ROBO1: variants seen among roughly 807,000 people sequenced by gnomAD.
ROBO1 encodes roundabout homolog 1.
ROBO1 carries 149 observed loss-of-function variants against 195.9 expected under a neutral mutation model. The observed-to-expected ratio is 0.76, with a 90% CI of 0.67 to 0.87. The LOEUF (loss-of-function observed/expected upper bound fraction) is 0.87. Among genes scored for constraint, ROBO1 ranks in the 40% least tolerant of loss-of-function variants. The pLI, the probability that ROBO1 is intolerant of heterozygous loss-of-function variation, is 0.00. For synonymous variants in ROBO1, 816 were observed against 733.2 expected, an observed-to-expected ratio of 1.11 and a Z score of -1.82; for missense variants, 1,933 against 2,068.3, an observed-to-expected ratio of 0.93 and a Z score of 1.27.
In ROBO1 at chr3:78,631,316, A is replaced by G. The variant is rs1489523865; in HGVS notation, c.3482-11T>C. ...TGTGCCCCTGACTCCCTAGAAAGGA[A>G]ATAAAATAGAAGCCATTGATCTCTG... On this transcript the variant is annotated splice_polypyrimidine_tract_variant and intron_variant, in intron 24 of 30. Transcript: ENST00000464233. 2 of 1,611,750 alleles carry G rather than the reference A, an allele frequency of 1.2e-6. No homozygotes were observed. The highest frequency in any genetic ancestry group is 3.3e-5 in the Admixed American group (2 of 59,854).
intron 2 of ROBO1, among the ~76,000 whole-genome samples, chr3:79,312,446 C>T (rs1259910206): frequency 6.6e-6 from 1 of 152,078 alleles, no homozygotes; most frequent in Non-Finnish European, 1.5e-5. Flanking sequence ...AATTCCAGAG[C>T]CCAGAGCAAC....
At chr3:79,352,453 C>T (rs76262167) in intron 2 of ROBO1, among the ~76,000 whole-genome samples, 2 of 152,288 alleles carry the variant, frequency 1.3e-5, no homozygotes, top group Non-Finnish European at 2.9e-5. Flanking sequence ...ATGATATTGG[C>T]TTAACACCGT....
rs577115422 is a variant in ROBO1 at position 79,740,027 on chromosome 3, T to C, written c.-51+27725A>G. ...CTCATATGATTTTTATTTTTCTTTA[T>C]TTTATGACATAGCATTTCTGAAGTA... On this transcript the variant is annotated intron_variant, in intron 1 of 30. Coordinates refer to ENST00000464233, the MANE Select transcript of ROBO1 (RefSeq NM_002941.4). 2.6e-5 allele frequency among the ~76,000 whole-genome samples: 4 copies of C among 151,888 alleles called. No homozygotes were observed. The South Asian group carries it at 8.3e-4, about 31-fold the overall frequency.
intron 5 of ROBO1, among the ~76,000 whole-genome samples, chr3:78,730,468 G>C (rs1329969436): frequency 1.3e-5 from 1 of 78,880 alleles, no homozygotes; most frequent in Non-Finnish European, 3.8e-5. Flanking sequence ...AATATAAACA[G>C]CATTTAATAT....
chr3:78,945,676 T>A (rs973844804), intron 3 of ROBO1, among the ~76,000 whole-genome samples: 1 of 152,154 alleles, frequency 6.6e-6, no homozygotes, highest in African/African-American at 2.4e-5. Context: ...GGAGAATGAC[T>A]TTGACAAATT....
chr3:78,807,574 T>C (rs1049281978), intron 4 of ROBO1, among the ~76,000 whole-genome samples: 3 of 152,202 alleles, frequency 2.0e-5, no homozygotes, highest in African/African-American at 7.2e-5. Context: ...AAAGTAACAG[T>C]ATTACAAGTA....
intron 3 of ROBO1, among the ~76,000 whole-genome samples, chr3:79,049,742 T>C (rs1271026143): frequency 6.6e-6 from 1 of 152,130 alleles, no homozygotes; most frequent in African/African-American, 2.4e-5. Context: ...GTGGCCAATA[T>C]TCAACATTCT....
chr3:78,693,908 A>G (rs1214875004), intron 8 of ROBO1, among the ~76,000 whole-genome samples: 1 of 152,196 alleles, frequency 6.6e-6, no homozygotes, highest in Non-Finnish European at 1.5e-5. Context: ...AATACAGATT[A>G]TGATTCTACA....
chr3:79,563,737 CA>C (rs1943000713), intron 2 of ROBO1, among the ~76,000 whole-genome samples: 1 of 151,856 alleles, frequency 6.6e-6, no homozygotes, highest in Non-Finnish European at 1.5e-5. Flanking sequence ...TAAATTTAGA[CA>C]ATTTTACATA....
At chr3:79,392,484 T>C (rs971644310) in intron 2 of ROBO1, among the ~76,000 whole-genome samples, 21 of 152,298 alleles carry the variant, frequency 1.4e-4, no homozygotes, top group African/African-American at 4.8e-4. Flanking sequence ...AGGAACTGCA[T>C]ATAGGCTTTA....
chr3:79,764,990 C>A (rs913249456), intron 1 of ROBO1, among the ~76,000 whole-genome samples: 3 of 152,190 alleles, frequency 2.0e-5, no homozygotes, highest in African/African-American at 7.2e-5. Context: ...AAATCACTAA[C>A]CTTCATAGAG....
chr3:78,624,417 T>G (rs1704635495), intron 26 of ROBO1, among the ~76,000 whole-genome samples: 1 of 152,144 alleles, frequency 6.6e-6, no homozygotes, highest in Non-Finnish European at 1.5e-5. Flanking sequence ...GCAATGACCC[T>G]GGAAATAAAA....
At chr3:79,534,265 A>T (rs1415439799) in intron 2 of ROBO1, among the ~76,000 whole-genome samples, 1 of 151,720 alleles carries the variant, frequency 6.6e-6, no homozygotes, top group Admixed American at 6.6e-5. Context: ...TAGAATTATG[A>T]CCTACGTGAC....
At chr3:79,675,275 T>C (rs893169140) in intron 1 of ROBO1, among the ~76,000 whole-genome samples, 2 of 152,070 alleles carry the variant, frequency 1.3e-5, no homozygotes, top group African/African-American at 2.4e-5. Flanking sequence ...TGAAATTTTA[T>C]ATACTTATGA....
intron 4 of ROBO1, among the ~76,000 whole-genome samples, chr3:78,886,654 A>G (rs1273710793): frequency 1.3e-5 from 2 of 152,102 alleles, no homozygotes; most frequent in East Asian, 3.8e-4. Context: ...AAGAAAGAAG[A>G]TGCCTTTCAA....
intron 4 of ROBO1, among the ~76,000 whole-genome samples, chr3:78,843,615 A>G (rs72896421): frequency 0.027 from 4,181 of 152,214 alleles, 139 homozygotes; most frequent in African/African-American, 0.085. Context: ...GTTTCCTTCA[A>G]TAATAATATA....
At chr3:79,596,794 C>T (rs1336559540) in intron 1 of ROBO1, among the ~76,000 whole-genome samples, 1 of 151,810 alleles carries the variant, frequency 6.6e-6, no homozygotes, top group Non-Finnish European at 1.5e-5. Flanking sequence ...GACTAAATTC[C>T]AGGCTTTTTC....
intron 4 of ROBO1, among the ~76,000 whole-genome samples, chr3:78,901,726 G>A (rs2107475106): frequency 6.6e-6 from 1 of 152,252 alleles, no homozygotes; most frequent in South Asian, 2.1e-4. Flanking sequence ...TTGATATTTA[G>A]AAGACACATT....
At chr3:78,906,288 C>T (rs2037911846) in intron 4 of ROBO1, among the ~76,000 whole-genome samples, 1 of 152,112 alleles carries the variant, frequency 6.6e-6, no homozygotes, top group South Asian at 2.1e-4. Context: ...CAACTAGGCT[C>T]AAGTAGTGCC....
Sources: gnomAD v4.1 joint callset for allele counts (sites outside exome capture counted in the v4.1 genomes callset) on GRCh38, gnomAD v4.1.1 for gene constraint, MANE v1.5 for transcripts, NCBI Gene and HGNC (gene_info 2026-07-23, HGNC 2026-07-21) for gene names.